Variants in RASAL2 observed in about 807,000 individuals in gnomAD.
The protein encoded by RASAL2 is ras GTPase-activating protein nGAP.
A neutral mutation model predicts 128.9 loss-of-function variants in RASAL2; 58 were observed. That is an observed-to-expected ratio of 0.45 (90% confidence interval 0.36 to 0.56). The LOEUF (loss-of-function observed/expected upper bound fraction) is 0.56. Among genes scored for constraint, RASAL2 ranks in the 20% least tolerant of loss-of-function variants. RASAL2 has a pLI of 0.00. For synonymous variants in RASAL2, 561 were observed against 580.8 expected, an observed-to-expected ratio of 0.97 and a Z score of 0.49; for missense variants, 1,360 against 1,601.6, an observed-to-expected ratio of 0.85 and a Z score of 2.57.
At chr1:178,286,150 T>C (rs1667015460) in intron 2 of RASAL2, among the ~76,000 whole-genome samples, 1 of 152,188 alleles carries the variant, frequency 6.6e-6, no homozygotes, top group Non-Finnish European at 1.5e-5. Flanking sequence ...ACCCTTTCAC[T>C]GTGTCCACTG....
intron 3 of RASAL2, among the ~76,000 whole-genome samples, chr1:178,304,343 G>A (rs1428068151): frequency 6.6e-6 from 1 of 152,060 alleles, no homozygotes; most frequent in Non-Finnish European, 1.5e-5. Context: ...AGACAACATA[G>A]TGAGACCCTT....
chr1:178,135,643 CTATTG>C (rs1660296588), intron 1 of RASAL2, among the ~76,000 whole-genome samples: 1 of 151,884 alleles, frequency 6.6e-6, no homozygotes, highest in South Asian at 2.1e-4. Flanking sequence ...TTTACATATA[CTATTG>C]TATTAGTCCA....
intron 9 of RASAL2, among the ~76,000 whole-genome samples, chr1:178,447,704 C>T (rs555793178): frequency 8.3e-6 from 1 of 119,954 alleles, no homozygotes; most frequent in East Asian, 2.4e-4. Flanking sequence ...AAAAAAAAGC[C>T]ATTGTAATAA....
chr1:178,454,730 T>A, intron 12 of RASAL2, 82 bp downstream of exon 12: 4 of 1,207,230 alleles, frequency 3.3e-6, no homozygotes, highest in South Asian at 1.4e-5. Flanking sequence ...CACTCACTCT[T>A]TCTGCTAATT....
At chr1:178,280,279 A>T (rs1413882207) in intron 1 of RASAL2, among the ~76,000 whole-genome samples, 1 of 152,140 alleles carries the variant, frequency 6.6e-6, no homozygotes, top group East Asian at 1.9e-4. Context: ...GTAGAAACAG[A>T]TATAAAAACC....
chr1:178,216,507 T>G (rs954654987), intron 1 of RASAL2, among the ~76,000 whole-genome samples: 3 of 152,246 alleles, frequency 2.0e-5, no homozygotes, highest in African/African-American at 7.2e-5. Flanking sequence ...AGGAAGACTA[T>G]TTTATCTAGT....
In RASAL2 at chr1:178,141,268, G is replaced by A. The variant is rs140206117; in HGVS notation, c.202+46574G>A. Among the ~76,000 whole-genome samples, 603 of 145,912 alleles carry A rather than the reference G, an allele frequency of 4.1e-3. 3 individuals carry two copies. Among genetic ancestry groups the A allele is most frequent in the African/African-American group, 0.014 (550 of 39,442 alleles). On this transcript the variant is annotated intron_variant, in intron 1 of 17. Coordinates refer to ENST00000367649, the MANE Select transcript of RASAL2 (RefSeq NM_170692.4). ...AAAACAGAGCTCCCATACAATGGGA[G>A]GGGACCCAAAGGGGGTTGCCCACTC...
chr1:178,460,194 G>A (rs568217639), intron 14 of RASAL2, among the ~76,000 whole-genome samples: 26 of 152,208 alleles, frequency 1.7e-4, no homozygotes, highest in Non-Finnish European at 3.2e-4. Context: ...TAGGATTAGC[G>A]AAGAGCATGA....
chr1:178,400,256 C>T (rs994932787), intron 4 of RASAL2, among the ~76,000 whole-genome samples: 1 of 152,180 alleles, frequency 6.6e-6, no homozygotes, highest in Non-Finnish European at 1.5e-5. Context: ...CAACTCTCTT[C>T]AGTCCTGAGT....
intron 1 of RASAL2, among the ~76,000 whole-genome samples, chr1:178,258,260 T>C (rs1391588682): frequency 1.4e-5 from 2 of 146,628 alleles, no homozygotes; most frequent in Admixed American, 1.4e-4. Flanking sequence ...CGCCACTGCA[T>C]TCCACCCTGG....
At chr1:178,153,981 G>A (rs4652295) in intron 1 of RASAL2, among the ~76,000 whole-genome samples, 6,069 of 151,794 alleles carry the variant, frequency 0.04, 165 homozygotes, top group Admixed American at 0.076. Context: ...GATTATAGGC[G>A]CCCGCCACCA....
chr1:178,117,316 C>G lies in RASAL2; in HGVS notation c.202+22622C>G, dbSNP rs148925654. ...TGCAGTTTCTGAGATGAACTCAACT[C>G]TAACCATTCTGTTTAAGCATTTTAT... On this transcript the variant is annotated intron_variant, in intron 1 of 17. Coordinates refer to ENST00000367649, the MANE Select transcript of RASAL2 (RefSeq NM_170692.4). 7.4e-4 allele frequency among the ~76,000 whole-genome samples: 112 copies of G among 152,318 alleles called. 2 individuals carry two copies. In the East Asian group the frequency reaches 0.021, roughly 28 times the overall value.
intron 1 of RASAL2, among the ~76,000 whole-genome samples, chr1:178,176,351 A>G (rs1428440080): frequency 5.3e-5 from 8 of 150,006 alleles, no homozygotes; most frequent in East Asian, 3.9e-4. Context: ...GACCATTTGT[A>G]TATCTTCTTT....
At chr1:178,336,260 G>A (rs1026461043) in intron 3 of RASAL2, among the ~76,000 whole-genome samples, 17 of 151,786 alleles carry the variant, frequency 1.1e-4, no homozygotes, top group Admixed American at 9.2e-4. Flanking sequence ...TTAGTTGTAA[G>A]GAAATAATGG....
Position 178,451,732 on chromosome 1 carries a change from C to T in RASAL2, c.1772+17C>T, listed in dbSNP as rs1365465253. The T allele has an allele frequency of 5.0e-6, 8 of 1,606,392 alleles. No homozygotes were observed. The highest frequency in any genetic ancestry group is 1.3e-5 in the African/African-American group (1 of 74,496). ...CTCTTACTGGTGAGCTTATCTTATC[C>T]TCTGCCTTACATTTTTTCATGTAAA... On this transcript the variant is annotated intron_variant, in intron 10 of 17. Transcript: ENST00000367649.
chr1:178,169,068 A>G (rs1388482535), intron 1 of RASAL2, among the ~76,000 whole-genome samples: 1 of 152,108 alleles, frequency 6.6e-6, no homozygotes, highest in Non-Finnish European at 1.5e-5. Flanking sequence ...AGAAGATATA[A>G]TCTTTGATTA....
In RASAL2 at chr1:178,225,163, C is replaced by G. The variant is rs77549885; in HGVS notation, c.203-58401C>G. 3.4e-3 allele frequency among the ~76,000 whole-genome samples: 514 copies of G among 151,930 alleles called. 4 individuals carry two copies. Among genetic ancestry groups the G allele is most frequent in the African/African-American group, 0.012 (499 of 41,496 alleles). On this transcript the variant is annotated intron_variant, in intron 1 of 17. Transcript: ENST00000367649. ...GTGAAGTTGGTCTGTGATGACTTGT[C>G]TAGTTCTCTGTTCTATAATTATGAT...
chr1:178,312,343 A>C (rs1668299980), intron 3 of RASAL2, among the ~76,000 whole-genome samples: 1 of 152,218 alleles, frequency 6.6e-6, no homozygotes. Context: ...AAGGCTGCGG[A>C]CTTACAATAA....
intron 1 of RASAL2, among the ~76,000 whole-genome samples, chr1:178,208,929 C>T (rs1272263985): frequency 6.6e-6 from 1 of 152,010 alleles, no homozygotes; most frequent in Non-Finnish European, 1.5e-5. Flanking sequence ...TAGAAAGAAC[C>T]TACATTGAAA....
Sources: allele counts gnomAD v4.1 joint callset (sites outside exome capture counted in the v4.1 genomes callset), GRCh38; gene constraint gnomAD v4.1.1; transcripts MANE v1.5; gene names NCBI Gene and HGNC (gene_info 2026-07-23, HGNC 2026-07-21).